SENP5: variants seen among roughly 807,000 people sequenced by gnomAD.
SENP5 encodes the protein SUMO specific peptidase 5, also known as sentrin-specific protease 5.
Under a neutral mutation model 74.2 loss-of-function variants are expected in SENP5, and 21 were observed. That is an observed-to-expected ratio of 0.28 (90% confidence interval 0.20 to 0.41). The LOEUF (loss-of-function observed/expected upper bound fraction) is 0.41. Ranked by LOEUF, SENP5 falls within the 10% of genes least tolerant of loss-of-function variation. The probability of loss-of-function intolerance (pLI) is 1.00; values close to 1 mark genes in which losing one functional copy is unlikely to be tolerated. For synonymous variants in SENP5, 311 were observed against 312.7 expected (o/e 0.99, Z 0.06); for missense variants, 717 against 889.1 (o/e 0.81, Z 2.46).
chr3:196,904,086 A>G (rs1319965183), intron 6 of SENP5, among the ~76,000 whole-genome samples: 1 of 152,234 alleles, frequency 6.6e-6, no homozygotes, highest in Non-Finnish European at 1.5e-5. Flanking sequence ...AAAATCTTAT[A>G]CATACATGTA....
intron 6 of SENP5, among the ~76,000 whole-genome samples, chr3:196,916,287 A>G (rs1221366492): frequency 6.6e-6 from 1 of 152,030 alleles, no homozygotes; most frequent in African/African-American, 2.4e-5. Flanking sequence ...AGATCATGCC[A>G]TTGCACTCAA....
chr3:196,885,720 G>A lies in SENP5; in HGVS notation c.539G>A (p.Ser180Asn). Residue 180 changes from serine to asparagine, a missense_variant, in exon 2 of 10, where the codon AGT becomes AAT. Physicochemically the swap from Ser to Asn is conservative, Grantham distance 46. Transcript: ENST00000323460. Reference protein sequence around the residue: ...FNGESQSPGESGTIVVTLNNH... With the variant: ...FNGESQSPGENGTIVVTLNNH... ...GGGGAGAGCCAAAGTCCAGGTGAGA[G>A]TGGCACGATTGTGGTCACCTTGAAC... 6.2e-7 allele frequency: 1 copy of A among 1,614,234 alleles called. No homozygotes were observed. The highest frequency in any genetic ancestry group is 1.7e-5 in the Admixed American group (1 of 60,032).
At chr3:196,880,728 G>A (rs1225168066) in intron 1 of SENP5, among the ~76,000 whole-genome samples, 2 of 145,148 alleles carry the variant, frequency 1.4e-5, no homozygotes, top group African/African-American at 2.6e-5. Flanking sequence ...TGTCACCTGC[G>A]CCTCCTGGGT....
rs570397287 is a variant in SENP5, at chr3:196,904,377, A to G, written c.1884+767A>G. Among the ~76,000 whole-genome samples the G allele has an allele frequency of 4.6e-5, 7 of 152,298 alleles. 1 individual carries two copies. The highest frequency in any genetic ancestry group is 4.6e-4 in the Admixed American group (7 of 15,290). On this transcript the variant is annotated intron_variant, in intron 6 of 9. Transcript: ENST00000323460. Reference sequence around the variant, plus strand: ...TGTTAAAGGCCCTGAAGCAGAAGTGAGTTTGGTATATTGGAGTATTACACA... The same window carrying G: ...TGTTAAAGGCCCTGAAGCAGAAGTGGGTTTGGTATATTGGAGTATTACACA...
intron 6 of SENP5, 28 bp from the exon 7 acceptor site, chr3:196,923,386 C>A: frequency 6.3e-7 from 1 of 1,589,394 alleles, no homozygotes; most frequent in Admixed American, 1.8e-5. Flanking sequence ...GTGGTGATGG[C>A]TGCATTTCTT....
chr3:196,931,636 A>G lies in SENP5; in HGVS notation c.*713A>G, dbSNP rs1042544419. On this transcript the variant is annotated 3_prime_UTR_variant, in exon 10 of 10. Transcript: ENST00000323460. ...GATTTCAATCGTGGTTTTAGGAATT[A>G]TAATACGTGGCATACATCTCATAAA... 4 of 248,568 alleles carry G rather than the reference A, an allele frequency of 1.6e-5. No homozygotes were observed. Among genetic ancestry groups the G allele is most frequent in the African/African-American group, 7.1e-5 (3 of 42,412 alleles). The allele number at this position is 248,568 out of a possible 1,614,324, so 15.4% of individuals were successfully genotyped here.
intron 1 of SENP5, among the ~76,000 whole-genome samples, chr3:196,881,383 T>C (rs914401403): frequency 3.9e-5 from 6 of 152,236 alleles, no homozygotes; most frequent in Non-Finnish European, 7.3e-5. Context: ...TAAATACTTT[T>C]GTAGTTATTA....
At chr3:196,888,913 G>A (rs911309312) in intron 2 of SENP5, among the ~76,000 whole-genome samples, 2 of 151,964 alleles carry the variant, frequency 1.3e-5, no homozygotes, top group Non-Finnish European at 2.9e-5. Flanking sequence ...TCAGGAGATC[G>A]AGACCATCCT....
intron 1 of SENP5, among the ~76,000 whole-genome samples, chr3:196,882,906 G>T (rs935300448): frequency 1.8e-4 from 27 of 149,342 alleles, no homozygotes; most frequent in Non-Finnish European, 3.4e-4. Flanking sequence ...CATTTTGTGG[G>T]GTAATATCTG....
intron 2 of SENP5, among the ~76,000 whole-genome samples, chr3:196,894,478 T>C (rs1377190606): frequency 3.3e-5 from 5 of 152,018 alleles, no homozygotes; most frequent in Admixed American, 3.3e-4. Context: ...GATCCTTACC[T>C]CATTCTTTAC....
chr3:196,930,681 C>T, intron 9 of SENP5, 132 bp from the exon 10 acceptor site: 1 of 645,218 alleles, frequency 1.5e-6, no homozygotes, highest in Non-Finnish European at 2.8e-6. Flanking sequence ...TTACACGTAA[C>T]CAGTCCCTGG....
intron 1 of SENP5, among the ~76,000 whole-genome samples, chr3:196,883,386 C>G (rs201505188): frequency 1.3e-5 from 2 of 152,204 alleles, no homozygotes; most frequent in East Asian, 3.9e-4. Context: ...GAGCTTCTTG[C>G]CAGTCTTATG....
intron 2 of SENP5, among the ~76,000 whole-genome samples, chr3:196,891,488 G>T (rs749672079): frequency 2.0e-5 from 3 of 152,074 alleles, no homozygotes; most frequent in Admixed American, 2.0e-4. Context: ...AATATAGGCC[G>T]GCCATGGTGG....
rs1714470748 is a variant in SENP5, at chr3:196,897,077, A to G, written c.1514-2589A>G. Among the ~76,000 whole-genome samples the G allele has an allele frequency of 2.0e-5, 3 of 152,228 alleles. No homozygotes were observed. The South Asian group carries it at 6.2e-4, about 32-fold the overall frequency. On this transcript the variant is annotated intron_variant, in intron 2 of 9. Transcript: ENST00000323460. ...TAACATTGTTAACAAGAGCACCATG[A>G]TACTAGTTTGAAATTCACATCCATA...
intron 2 of SENP5, among the ~76,000 whole-genome samples, chr3:196,896,012 T>TG (rs1160912345): frequency 1.3e-5 from 2 of 152,220 alleles, no homozygotes; most frequent in African/African-American, 4.8e-5. Flanking sequence ...GTATACCAAT[T>TG]GCATTTTTCC....
intron 6 of SENP5, among the ~76,000 whole-genome samples, chr3:196,912,438 A>G (rs536790397): frequency 1.8e-4 from 28 of 152,248 alleles, no homozygotes; most frequent in African/African-American, 6.3e-4. Flanking sequence ...GGGGGCAAAG[A>G]GAGGGAGAGC....
In SENP5 at chr3:196,885,563, C is replaced by T. The variant is rs1445885650; in HGVS notation, c.382C>T (p.His128Tyr). ...KLLSSAKNSD[H>Y]EYCREKNLLK... is the part of the protein sequence containing the mutation. ...GTTGTCATCAGCAAAGAATTCTGACCATGAATACTGCAGAGAGAAAAATCT... is the reference window on the plus strand; with the variant it reads ...GTTGTCATCAGCAAAGAATTCTGACTATGAATACTGCAGAGAGAAAAATCT... The change falls in exon 2 of 10, where the codon CAT becomes TAT. Residue 128 changes from histidine (H) to tyrosine (Y), a missense_variant. Physicochemically the swap from His to Tyr is moderately conservative, Grantham distance 83 (BLOSUM62 2). Coordinates refer to ENST00000323460, the MANE Select transcript of SENP5 (RefSeq NM_152699.5). 4 of 1,614,128 alleles carry T rather than the reference C, an allele frequency of 2.5e-6. No homozygotes were observed. The highest frequency in any genetic ancestry group is 3.3e-5 in the Admixed American group (2 of 60,018).
At chr3:196,910,798 G>A (rs1715092632) in intron 6 of SENP5, among the ~76,000 whole-genome samples, 2 of 152,050 alleles carry the variant, frequency 1.3e-5, no homozygotes, top group Admixed American at 1.3e-4. Flanking sequence ...AAAGCTGTAG[G>A]CATCACATAC....
At chr3:196,924,423 C>G (rs1715737395) in intron 7 of SENP5, among the ~76,000 whole-genome samples, 1 of 152,124 alleles carries the variant, frequency 6.6e-6, no homozygotes, top group African/African-American at 2.4e-5. Flanking sequence ...TAGAAATGGA[C>G]AAAGGCTAAT....
Sources: gnomAD v4.1 joint callset for allele counts (sites outside exome capture counted in the v4.1 genomes callset) on GRCh38, gnomAD v4.1.1 for gene constraint, MANE v1.5 for transcripts, NCBI Gene and HGNC (gene_info 2026-07-23, HGNC 2026-07-21) for gene names.